The following CALCOCO2 variants were observed in gnomAD, a reference collection of about 807,000 sequenced individuals.
The protein encoded by CALCOCO2 is calcium-binding and coiled-coil domain-containing protein 2.
Under a neutral mutation model 62.5 loss-of-function variants are expected in CALCOCO2, and 42 were observed. The ratio of observed to expected loss-of-function variants is 0.67; its 90% CI spans 0.53 to 0.87. CALCOCO2 has a LOEUF of 0.87. Among genes scored for constraint, CALCOCO2 ranks in the 40% least tolerant of loss-of-function variants. The probability of loss-of-function intolerance (pLI) is 0.00; values close to 1 mark genes in which losing one functional copy is unlikely to be tolerated. For missense variants in CALCOCO2, 456 were observed against 515.0 expected (o/e 0.89, Z 1.11); for synonymous variants, 167 against 173.0 (o/e 0.97, Z 0.27).
At chr17:48,844,504 G>A (rs757000609) in intron 2 of CALCOCO2, among the ~76,000 whole-genome samples, 2 of 151,792 alleles carry the variant, frequency 1.3e-5, no homozygotes, top group East Asian at 2.0e-4. Flanking sequence ...ACCCAGGCTG[G>A]AGTGCAATGG....
At position 48,863,041 on chromosome 17, in the gene CALCOCO2, T is replaced by G. The variant is rs777106523; in HGVS notation, c.*36T>G. 2.0e-6 allele frequency: 3 copies of G among 1,466,358 alleles called. No individual in the cohort carries two copies. Among genetic ancestry groups the G allele is most frequent in the Non-Finnish European group, 1.9e-6 (2 of 1,045,412 alleles). The allele number at this position is 1,466,358 out of a possible 1,614,324, so 90.8% of individuals were successfully genotyped here. On this transcript the variant is annotated 3_prime_UTR_variant, in exon 13 of 13. Coordinates refer to ENST00000258947, the MANE Select transcript of CALCOCO2 (RefSeq NM_005831.5). ...CTCTTGGATGTATACAGAGATTTTA[T>G]AGAATAGAACCTATAGCTTCTACCA...
intron 12 of CALCOCO2, 78 bp downstream of exon 12, chr17:48,862,382 A>G (rs1013230037): frequency 3.9e-5 from 38 of 965,614 alleles, no homozygotes; most frequent in East Asian, 9.5e-5. Flanking sequence ...TGGGAGAACC[A>G]TAGGGAGACA....
chr17:48,847,008 A>G (rs1284450543), intron 2 of CALCOCO2, among the ~76,000 whole-genome samples: 3 of 152,076 alleles, frequency 2.0e-5, no homozygotes, highest in Non-Finnish European at 4.4e-5. Context: ...TTCTGCTCTG[A>G]GGCGTGTTTT....
At chr17:48,834,875 C>T (rs1464457685) in intron 1 of CALCOCO2, among the ~76,000 whole-genome samples, 1 of 152,176 alleles carries the variant, frequency 6.6e-6, no homozygotes, top group East Asian at 1.9e-4. Context: ...TAGGGAGACC[C>T]TATCCCTACA....
At chr17:48,852,130 T>C (rs1352963662) in intron 7 of CALCOCO2, among the ~76,000 whole-genome samples, 1 of 147,544 alleles carries the variant, frequency 6.8e-6, no homozygotes, top group Non-Finnish European at 1.5e-5. Context: ...AGAGCAAGAC[T>C]CTGTCTCAAG....
chr17:48,838,341 G>C (rs967888806), intron 1 of CALCOCO2, among the ~76,000 whole-genome samples: 1 of 152,040 alleles, frequency 6.6e-6, no homozygotes, highest in African/African-American at 2.4e-5. Context: ...AGGGTGTGGC[G>C]CCGGGCTGTC....
At chr17:48,842,883 C>T (rs536324473) in intron 2 of CALCOCO2, among the ~76,000 whole-genome samples, 3 of 152,166 alleles carry the variant, frequency 2.0e-5, no homozygotes, top group African/African-American at 7.2e-5. Flanking sequence ...TTGTGATCTG[C>T]CCGCCTCAGC....
At chr17:48,849,640 G>A (rs1253324858) in intron 5 of CALCOCO2, among the ~76,000 whole-genome samples, 1 of 151,806 alleles carries the variant, frequency 6.6e-6, no homozygotes, top group African/African-American at 2.4e-5. Context: ...CGAGTAGCTG[G>A]GATTACAGGT....
chr17:48,848,332 G>C lies in CALCOCO2; in HGVS notation c.294G>C (p.Leu98=). The C allele has an allele frequency of 6.2e-7, 1 of 1,613,560 alleles. No homozygotes were observed. The highest frequency in any genetic ancestry group is 8.5e-7 in the Non-Finnish European group (1 of 1,179,516). Reference sequence around the variant, plus strand: ...ATGTTGTGTTTTCAGCTTACTACCTGCCCAAGGATGATGAGTATTACCAGT... The same window carrying C: ...ATGTTGTGTTTTCAGCTTACTACCTCCCCAAGGATGATGAGTATTACCAGT... ...QQEVQFKAYY[L]PKDDEYYQFC... Residue 98 remains leucine, a synonymous_variant, in exon 4 of 13, where the codon CTG becomes CTC. Coordinates refer to ENST00000258947, the MANE Select transcript of CALCOCO2 (RefSeq NM_005831.5).
At chr17:48,851,284 C>A in intron 6 of CALCOCO2, 107 bp downstream of exon 6, 2 of 727,750 alleles carry the variant, frequency 2.7e-6, no homozygotes, top group Admixed American at 2.1e-5. Flanking sequence ...ACTGTTATGA[C>A]ATTGATGATG....
At chr17:48,846,102 T>C (rs936071884) in intron 2 of CALCOCO2, 1 of 1,294,558 alleles carries the variant, frequency 7.7e-7, no homozygotes, top group African/African-American at 1.5e-5. Context: ...ACCAGGTAGG[T>C]ACTCAGTAAC....
In CALCOCO2 at chr17:48,838,530, C is replaced by T. The variant is rs965847348; in HGVS notation, c.-10-3168C>T. ...GAGATCGAGACCATCCTTTCTAACA[C>T]GGTGAAACCCTGTGTCTACTAAAAA... On this transcript the variant is annotated intron_variant, in intron 1 of 12. Coordinates refer to ENST00000258947, the MANE Select transcript of CALCOCO2 (RefSeq NM_005831.5). Among the ~76,000 whole-genome samples, 58 of 151,850 alleles carry T rather than the reference C, an allele frequency of 3.8e-4. 1 individual carries two copies. Among genetic ancestry groups the T allele is most frequent in the Non-Finnish European group, 7.4e-5 (5 of 67,960 alleles).
chr17:48,862,347 A>G lies in CALCOCO2; in HGVS notation c.1173+43A>G, dbSNP rs377344777. The G allele has an allele frequency of 2.0e-4, 273 of 1,386,196 alleles. 2 individuals are homozygous for G. In the Middle Eastern group the frequency reaches 7.3e-3, roughly 37 times the overall value. The allele number at this position is 1,386,196 out of a possible 1,614,324, so 85.9% of individuals were successfully genotyped here. A position where few individuals can be genotyped will look rare whatever the true frequency, so the allele number is the denominator to read the frequency against. On this transcript the variant is annotated intron_variant, in intron 12 of 12. Coordinates refer to ENST00000258947, the MANE Select transcript of CALCOCO2 (RefSeq NM_005831.5). ...GAGAATATTCCCACAAAGCACTTGA[A>G]AATTTCCCTTCCTGCTCCAGTTCAT...
At position 48,853,019 on chromosome 17, in the gene CALCOCO2, C is replaced by T; in HGVS notation, c.912+7C>T. Reference sequence around the variant, plus strand: ...GAAACAACAGGAATTAATGGCATGTCTGTCTTTGGATGGTTATGTGGGAGG... The same window carrying T: ...GAAACAACAGGAATTAATGGCATGTTTGTCTTTGGATGGTTATGTGGGAGG... On this transcript the variant is annotated splice_region_variant and intron_variant, in intron 9 of 12. Coordinates refer to ENST00000258947, the MANE Select transcript of CALCOCO2 (RefSeq NM_005831.5). 4 of 1,594,868 alleles carry T rather than the reference C, an allele frequency of 2.5e-6. No individual in the cohort carries two copies. Among genetic ancestry groups the T allele is most frequent in the Non-Finnish European group, 3.4e-6 (4 of 1,162,520 alleles).
At chr17:48,846,518 G>T in intron 2 of CALCOCO2, 1 of 1,396,728 alleles carries the variant, frequency 7.2e-7, no homozygotes, top group South Asian at 1.2e-5. Flanking sequence ...ATTGCAGGTG[G>T]CTAGAAGTTG....
Position 48,846,441 on chromosome 17 carries a change from A to G in CALCOCO2, c.181-1623A>G, listed in dbSNP as rs1025528482. The G allele has an allele frequency of 2.2e-6, 3 of 1,360,090 alleles. No homozygotes were observed. In the Admixed American group the frequency reaches 5.9e-5, roughly 27 times the overall value. The allele number at this position is 1,360,090 out of a possible 1,614,324, so 84.3% of individuals were successfully genotyped here. A position where few individuals can be genotyped will look rare whatever the true frequency, so the allele number is the denominator to read the frequency against. On this transcript the variant is annotated intron_variant, in intron 2 of 12. Transcript: ENST00000258947. ...CTATGCTTCATACTCTCCTTGACTT[A>G]GGCATTTAAATGTTTCCAAGACAAA...
Position 48,849,340 on chromosome 17 carries a change from A to G in CALCOCO2, c.506A>G (p.Gln169Arg). 6.2e-7 allele frequency: 1 copy of G among 1,613,808 alleles called. No homozygotes were observed. The highest frequency in any genetic ancestry group is 8.5e-7 in the Non-Finnish European group (1 of 1,179,832). ...LKDSCISLQK[Q>R]NSDMQAELQK... is the part of the protein sequence containing the mutation. ...GACAGCTGTATCAGCCTCCAGAAGC[A>G]GAACTCAGACATGCAGGCTGAGCTC... The change falls in exon 5 of 13, where the codon CAG (glutamine) becomes CGG (arginine). Residue 169 changes from glutamine (Q) to arginine (R), a missense_variant. Transcript: ENST00000258947.
At chr17:48,843,709 G>A (rs1598029991) in intron 2 of CALCOCO2, among the ~76,000 whole-genome samples, 2 of 152,202 alleles carry the variant, frequency 1.3e-5, no homozygotes, top group African/African-American at 4.8e-5. Flanking sequence ...TTAGAAAGAA[G>A]ATGGTAGTTG....
chr17:48,836,605 G>A (rs901665881), intron 1 of CALCOCO2, among the ~76,000 whole-genome samples: 1 of 152,134 alleles, frequency 6.6e-6, no homozygotes, highest in South Asian at 2.1e-4. Flanking sequence ...AAGAAATGGG[G>A]ATAAGGTACT....
Sources: gnomAD v4.1 joint callset for allele counts (sites outside exome capture counted in the v4.1 genomes callset) on GRCh38, gnomAD v4.1.1 for gene constraint, MANE v1.5 for transcripts, NCBI Gene and HGNC (gene_info 2026-07-23, HGNC 2026-07-21) for gene names.